Variants in RAB38 observed in about 807,000 individuals in gnomAD.
RAB38 encodes ras-related protein Rab-38.
A neutral mutation model predicts 18.4 loss-of-function variants in RAB38; 15 were observed. The ratio of observed to expected loss-of-function variants is 0.82; its 90% confidence interval spans 0.55 to 1.26. RAB38 has a LOEUF of 1.26. Ranked by LOEUF, RAB38 falls within the 50% of genes most tolerant of loss-of-function variation. RAB38 has a pLI of 0.00. For synonymous variants in RAB38, 101 were observed against 104.4 expected (o/e 0.97, Z 0.20); for missense variants, 294 against 267.4 (o/e 1.10, Z -0.69).
the RAB38 span, among the ~76,000 whole-genome samples, chr11:88,033,730 T>TTTC: frequency 7.1e-6 from 1 of 141,674 alleles, no homozygotes; most frequent in Non-Finnish European, 1.5e-5. Context: ...GTTGCCTTTT[T>TTTC]TTTTTTTTTT....
the RAB38 span, among the ~76,000 whole-genome samples, chr11:88,086,104 T>G: frequency 6.6e-6 from 1 of 151,914 alleles, no homozygotes; most frequent in African/African-American, 2.4e-5. Context: ...TAATATCTTG[T>G]AAGGCTATTG....
chr11:88,127,885 T>A (rs1942719797), intron 2 of RAB38, among the ~76,000 whole-genome samples: 1 of 152,162 alleles, frequency 6.6e-6, no homozygotes, highest in Non-Finnish European at 1.5e-5. Flanking sequence ...AAATTTACCT[T>A]CTCTCTAGAT....
chr11:88,140,591 C>T (rs148373613), intron 2 of RAB38, among the ~76,000 whole-genome samples: 39 of 152,220 alleles, frequency 2.6e-4, no homozygotes, highest in African/African-American at 9.1e-4. Context: ...ATAGGAGAGA[C>T]TGTAACAGGT....
At chr11:88,144,272 G>A (rs1942952728) in intron 2 of RAB38, among the ~76,000 whole-genome samples, 1 of 152,186 alleles carries the variant, frequency 6.6e-6, no homozygotes, top group Non-Finnish European at 1.5e-5. Flanking sequence ...GACAAATTAA[G>A]TCAGTGGAGG....
chr11:88,143,684 G>T (rs1049975149), intron 2 of RAB38, among the ~76,000 whole-genome samples: 4 of 152,182 alleles, frequency 2.6e-5, no homozygotes, highest in African/African-American at 9.7e-5. Flanking sequence ...CTGGAGTCAG[G>T]TTATTATGAT....
chr11:88,088,252 A>G, the RAB38 span, among the ~76,000 whole-genome samples: 1 of 152,008 alleles, frequency 6.6e-6, no homozygotes, highest in Non-Finnish European at 1.5e-5. Context: ...CACCCACAGC[A>G]TCAATTATTT....
At chr11:88,040,147 G>T in the RAB38 span, among the ~76,000 whole-genome samples, 2 of 152,148 alleles carry the variant, frequency 1.3e-5, no homozygotes, top group Non-Finnish European at 2.9e-5. Context: ...TTCTTGGGCT[G>T]CCATAACAAA....
At chr11:87,878,535 G>A in the RAB38 span, among the ~76,000 whole-genome samples, 1 of 151,464 alleles carries the variant, frequency 6.6e-6, no homozygotes, top group African/African-American at 2.4e-5. Flanking sequence ...TATGGTTTCT[G>A]GAAGAATTCA....
chr11:88,147,614 C>T (rs1003181611), intron 2 of RAB38, among the ~76,000 whole-genome samples: 2 of 151,234 alleles, frequency 1.3e-5, no homozygotes, highest in Admixed American at 6.6e-5. Flanking sequence ...AGAAAACAGC[C>T]GGGTGCGGTG....
chr11:88,036,878 C>A, the RAB38 span, among the ~76,000 whole-genome samples: 5 of 151,956 alleles, frequency 3.3e-5, no homozygotes, highest in Non-Finnish European at 5.9e-5. Context: ...TTCCTTGACA[C>A]CTTGTTGGCA....
chr11:87,873,940 A>T, the RAB38 span, among the ~76,000 whole-genome samples: 2 of 143,050 alleles, frequency 1.4e-5, no homozygotes, highest in African/African-American at 5.1e-5. Context: ...ATATATATAT[A>T]TATATATATA....
chr11:88,109,545 T>G (rs959299957), downstream of RAB38, among the ~76,000 whole-genome samples: 3 of 152,160 alleles, frequency 2.0e-5, no homozygotes, highest in African/African-American at 7.2e-5. Flanking sequence ...CTAAAGAGCT[T>G]CTGCACAGCA....
the RAB38 span, among the ~76,000 whole-genome samples, chr11:87,870,731 A>G: frequency 0.044 from 6,623 of 151,660 alleles, 470 homozygotes; most frequent in African/African-American, 0.15. Flanking sequence ...GCGAATTTTT[A>G]ATAGAAATAG....
At chr11:88,036,133 A>AT in the RAB38 span, among the ~76,000 whole-genome samples, 2 of 152,178 alleles carry the variant, frequency 1.3e-5, no homozygotes, top group Non-Finnish European at 2.9e-5. Context: ...AATTTTGATA[A>AT]TGGGAGTCCA....
chr11:87,977,886 G>C, the RAB38 span, among the ~76,000 whole-genome samples: 6 of 104,758 alleles, frequency 5.7e-5, no homozygotes, highest in Non-Finnish European at 8.8e-5. Flanking sequence ...TAAAGATGTA[G>C]TCATAGATTT....
the RAB38 span, among the ~76,000 whole-genome samples, chr11:88,046,273 C>T: frequency 6.6e-6 from 1 of 152,166 alleles, no homozygotes; most frequent in African/African-American, 2.4e-5. Context: ...TACAATTCCC[C>T]CATTTTACCT....
intron 1 of RAB38, among the ~76,000 whole-genome samples, chr11:88,174,822 T>C (rs1323093000): frequency 6.6e-6 from 1 of 152,168 alleles, no homozygotes; most frequent in Non-Finnish European, 1.5e-5. Context: ...CGGAAGGACG[T>C]GCGTGACACT....
chr11:87,937,487 C>T, the RAB38 span, among the ~76,000 whole-genome samples: 4 of 151,574 alleles, frequency 2.6e-5, no homozygotes, highest in African/African-American at 9.7e-5. Context: ...ATTTCATCCT[C>T]TTCTATTTTC....
chr11:88,010,731 T>G, the RAB38 span, among the ~76,000 whole-genome samples: 2 of 152,312 alleles, frequency 1.3e-5, no homozygotes, highest in South Asian at 4.1e-4. Context: ...ATACTGTTAT[T>G]CCTGTTTTAT....
Sources: allele counts gnomAD v4.1 joint callset (sites outside exome capture counted in the v4.1 genomes callset), GRCh38; gene constraint gnomAD v4.1.1; transcripts MANE v1.5; gene names NCBI Gene and HGNC (gene_info 2026-07-23, HGNC 2026-07-21).